Variants in SNX29 observed in about 807,000 individuals in gnomAD.
The protein encoded by SNX29 is sorting nexin-29.
In SNX29, 78 loss-of-function variants were observed where a neutral mutation model predicts 102.1. The observed-to-expected ratio is 0.76, with a 90% CI of 0.64 to 0.92. SNX29 has a LOEUF of 0.92. Among genes scored for constraint, SNX29 ranks in the 40% least tolerant of loss-of-function variants. The pLI is 0.00. For missense variants in SNX29, 1,280 were observed against 1,061.7 expected (o/e 1.21, Z -2.86); for synonymous variants, 580 against 414.5 (o/e 1.40, Z -4.85).
chr16:12,499,814 C>T (rs961491882), intron 19 of SNX29, among the ~76,000 whole-genome samples: 2 of 152,008 alleles, frequency 1.3e-5, no homozygotes, highest in Admixed American at 1.3e-4. Context: ...TACCTGGGGC[C>T]ACAGTTACGC....
chr16:12,359,160 T>C (rs1293179938), intron 16 of SNX29, among the ~76,000 whole-genome samples: 1 of 152,176 alleles, frequency 6.6e-6, no homozygotes, highest in Non-Finnish European at 1.5e-5. Flanking sequence ...TCTGATGCTG[T>C]CTCCAGGTAG....
intron 13 of SNX29, among the ~76,000 whole-genome samples, chr16:12,156,827 A>C (rs1023802106): frequency 5.9e-5 from 9 of 152,200 alleles, no homozygotes. Context: ...CCCTCTGGGC[A>C]CTGAGTTTCC....
At chr16:12,270,812 C>T (rs892139710) in intron 14 of SNX29, among the ~76,000 whole-genome samples, 5 of 151,968 alleles carry the variant, frequency 3.3e-5, no homozygotes, top group Non-Finnish European at 7.4e-5. Flanking sequence ...GAGGGCAAGG[C>T]GGGTAGATCG....
chr16:12,248,276 CGTT>C (rs2078318083), intron 14 of SNX29, among the ~76,000 whole-genome samples: 1 of 152,134 alleles, frequency 6.6e-6, no homozygotes, highest in South Asian at 2.1e-4. Flanking sequence ...CATGCCCAAT[CGTT>C]GTTCTTCATC....
chr16:12,467,460 C>T (rs1424927165), intron 18 of SNX29, among the ~76,000 whole-genome samples: 1 of 152,158 alleles, frequency 6.6e-6, no homozygotes, highest in Non-Finnish European at 1.5e-5. Flanking sequence ...ATCCATCAGG[C>T]ACATGCACAG....
At chr16:12,551,939 C>T (rs1184278675) in intron 20 of SNX29, among the ~76,000 whole-genome samples, 1 of 152,162 alleles carries the variant, frequency 6.6e-6, no homozygotes, top group Non-Finnish European at 1.5e-5. Flanking sequence ...CTGTGAGGAT[C>T]CAGTGAGATT....
At chr16:12,229,334 A>G (rs574675300) in intron 14 of SNX29, among the ~76,000 whole-genome samples, 12 of 152,358 alleles carry the variant, frequency 7.9e-5, no homozygotes, top group Admixed American at 3.3e-4. Context: ...AATAATGGAA[A>G]TGGTCAGGCC....
At chr16:12,449,412 A>G (rs983690951) in intron 18 of SNX29, among the ~76,000 whole-genome samples, 1 of 151,968 alleles carries the variant, frequency 6.6e-6, no homozygotes, top group Non-Finnish European at 1.5e-5. Context: ...GCTTGGAGTG[A>G]GCTGGTTTAG....
At chr16:12,511,862 G>A (rs1297320030) in intron 19 of SNX29, among the ~76,000 whole-genome samples, 1 of 151,934 alleles carries the variant, frequency 6.6e-6, no homozygotes, top group Non-Finnish European at 1.5e-5. Flanking sequence ...TGGGACTTGA[G>A]AACTTCAGAG....
intron 17 of SNX29, among the ~76,000 whole-genome samples, chr16:12,402,155 G>C (rs2083970939): frequency 6.6e-6 from 1 of 152,192 alleles, no homozygotes; most frequent in Non-Finnish European, 1.5e-5. Context: ...AAATTGCCTT[G>C]AGCCCTGGGG....
intron 14 of SNX29, among the ~76,000 whole-genome samples, chr16:12,211,435 A>T (rs1288455434): frequency 6.6e-6 from 1 of 152,114 alleles, no homozygotes; most frequent in Non-Finnish European, 1.5e-5. Context: ...TCCTTCTAAC[A>T]GCTCTGTGAG....
chr16:12,428,487 G>A (rs2085174846), intron 18 of SNX29, among the ~76,000 whole-genome samples: 1 of 152,130 alleles, frequency 6.6e-6, no homozygotes, highest in Non-Finnish European at 1.5e-5. Context: ...TTAGAAAGAA[G>A]GAAAACAAAG....
intron 15 of SNX29, among the ~76,000 whole-genome samples, chr16:12,283,047 C>T (rs1335355326): frequency 6.6e-5 from 10 of 152,166 alleles, no homozygotes; most frequent in Admixed American, 6.5e-4. Flanking sequence ...AGGAGGCACA[C>T]TTTACTCTGG....
At chr16:12,548,874 C>T (rs2077780422) in intron 20 of SNX29, among the ~76,000 whole-genome samples, 1 of 152,198 alleles carries the variant, frequency 6.6e-6, no homozygotes, top group Admixed American at 6.5e-5. Flanking sequence ...GGGCCCTTGG[C>T]CTGAACCCTA....
rs1567175009 is a variant in SNX29 at position 12,549,530 on chromosome 16, C to CCAT, written c.2319-18976_2319-18975insCAT. 1.7e-3 allele frequency among the ~76,000 whole-genome samples: 261 copies of CCAT among 151,854 alleles called. 1 individual carries two copies. Among genetic ancestry groups the CCAT allele is most frequent in the African/African-American group, 6.2e-3 (258 of 41,380 alleles). On this transcript the variant is annotated intron_variant, in intron 20 of 20. Transcript: ENST00000566228. ...TCATGCCATTTTTCATCCTCTATCTCAAATAGCCAGTAAGGCATGGAGTGG... is the reference window on the plus strand; with the variant it reads ...TCATGCCATTTTTCATCCTCTATCTCCATAAATAGCCAGTAAGGCATGGAGTGG...
At chr16:12,126,824 G>A (rs762473265) in intron 12 of SNX29, 128 bp downstream of exon 12, 98 of 926,112 alleles carry the variant, frequency 1.1e-4, no homozygotes, top group Admixed American at 3.4e-4. Flanking sequence ...ATTTCTTATC[G>A]TCAGGGATAT....
intron 3 of SNX29, among the ~76,000 whole-genome samples, chr16:12,006,733 C>T (rs559585262): frequency 5.3e-5 from 8 of 152,040 alleles, no homozygotes; most frequent in Non-Finnish European, 1.2e-4. Context: ...ATCTTCCCAT[C>T]TCAGCCTCCT....
chr16:12,056,768 T>C (rs559287110), intron 8 of SNX29, among the ~76,000 whole-genome samples: 2 of 152,356 alleles, frequency 1.3e-5, no homozygotes, highest in South Asian at 4.1e-4. Context: ...TTACAAGGGA[T>C]AGTATTTTTA....
At chr16:12,547,649 C>G (rs566105874) in intron 20 of SNX29, among the ~76,000 whole-genome samples, 2 of 152,168 alleles carry the variant, frequency 1.3e-5, no homozygotes, top group East Asian at 3.9e-4. Context: ...AGATATGATT[C>G]CCACCCCAAG....
Sources: allele counts gnomAD v4.1 joint callset (sites outside exome capture counted in the v4.1 genomes callset), GRCh38; gene constraint gnomAD v4.1.1; transcripts MANE v1.5; gene names NCBI Gene and HGNC (gene_info 2026-07-23, HGNC 2026-07-21).